The following RBFOX1 variants were observed in gnomAD, a reference collection of about 807,000 sequenced individuals.
RBFOX1 encodes the protein RNA binding protein fox-1 homolog 1.
RBFOX1 carries 8 observed loss-of-function variants against 57.7 expected under a neutral mutation model. The ratio of observed to expected loss-of-function variants is 0.14; its 90% CI spans 0.08 to 0.25. The LOEUF is 0.25. Among genes scored for constraint, RBFOX1 ranks in the 10% least tolerant of loss-of-function variants. The pLI, the probability that RBFOX1 is intolerant of heterozygous loss-of-function variation, is 1.00. For synonymous variants in RBFOX1, 326 were observed against 222.4 expected (o/e 1.47, Z -4.15); for missense variants, 611 against 548.5 (o/e 1.11, Z -1.14).
chr16:5,316,858 C>T (rs796305727), intron 1 of RBFOX1, among the ~76,000 whole-genome samples: 8 of 152,290 alleles, frequency 5.3e-5, no homozygotes, highest in Admixed American at 3.9e-4. Context: ...TGAGCCGGTG[C>T]ACTGAGTGGG....
At chr16:6,008,871 C>G (rs1335545547) in intron 4 of RBFOX1, among the ~76,000 whole-genome samples, 1 of 152,154 alleles carries the variant, frequency 6.6e-6, no homozygotes, top group Non-Finnish European at 1.5e-5. Context: ...TAATGGCAAG[C>G]AAGCTCGTCT....
chr16:5,603,193 C>T (rs1567284948), downstream of RBFOX1, among the ~76,000 whole-genome samples: 2 of 152,186 alleles, frequency 1.3e-5, no homozygotes, highest in Non-Finnish European at 2.9e-5. Flanking sequence ...TATATTTTGC[C>T]AGCATTCAGA....
chr16:6,783,323 T>A (rs977343986), intron 3 of RBFOX1, among the ~76,000 whole-genome samples: 5 of 151,682 alleles, frequency 3.3e-5, no homozygotes, highest in African/African-American at 1.2e-4. Context: ...TTCCTTTTTT[T>A]TTTTCTTCTT....
At chr16:7,068,504 C>G (rs547933016) in intron 4 of RBFOX1, among the ~76,000 whole-genome samples, 11 of 152,164 alleles carry the variant, frequency 7.2e-5, no homozygotes, top group African/African-American at 1.4e-4. Context: ...CATTGCTTCA[C>G]CATTTAAGTC....
intron 3 of RBFOX1, among the ~76,000 whole-genome samples, chr16:6,943,662 T>C (rs781071306): frequency 1.1e-4 from 16 of 151,108 alleles, no homozygotes; most frequent in Non-Finnish European, 2.4e-4. Context: ...GAGCCAAGAT[T>C]GCGTCACTGC....
intron 4 of RBFOX1, among the ~76,000 whole-genome samples, chr16:7,121,870 G>T (rs966261604): frequency 1.1e-4 from 16 of 152,036 alleles, no homozygotes; most frequent in South Asian, 4.1e-4. Flanking sequence ...TCCAGAAATA[G>T]ACCCACAAAA....
intron 4 of RBFOX1, among the ~76,000 whole-genome samples, chr16:6,013,324 A>C (rs912408127): frequency 6.6e-6 from 1 of 152,212 alleles, no homozygotes; most frequent in African/African-American, 2.4e-5. Flanking sequence ...AGAAATTAAG[A>C]ATTTTTACTT....
intron 1 of RBFOX1, among the ~76,000 whole-genome samples, chr16:6,039,347 GAAA>G (rs58081772): frequency 0.12 from 16,031 of 136,288 alleles, 1,035 homozygotes; most frequent in African/African-American, 0.18. Flanking sequence ...CTGCTTTCTG[GAAA>G]AAAAAAAAAA....
At chr16:7,188,658 C>T (rs1328963533) in intron 4 of RBFOX1, among the ~76,000 whole-genome samples, 2 of 152,138 alleles carry the variant, frequency 1.3e-5, no homozygotes, top group East Asian at 1.9e-4. Flanking sequence ...GTATCATTAT[C>T]CTGAGTTGAA....
intron 3 of RBFOX1, among the ~76,000 whole-genome samples, chr16:5,734,369 A>T (rs184892441): frequency 2.8e-4 from 42 of 152,308 alleles, no homozygotes; most frequent in African/African-American, 9.1e-4. Flanking sequence ...TCAAGGCTGC[A>T]GTTAGCTGTA....
At chr16:7,282,012 C>T (rs1014185228) in intron 4 of RBFOX1, among the ~76,000 whole-genome samples, 3 of 151,482 alleles carry the variant, frequency 2.0e-5, no homozygotes, top group Non-Finnish European at 2.9e-5. Flanking sequence ...ACCACAGGCG[C>T]GTGCCATCAC....
chr16:5,620,282 A>G (rs967025939), intron 3 of RBFOX1, among the ~76,000 whole-genome samples: 12 of 152,098 alleles, frequency 7.9e-5, no homozygotes, highest in African/African-American at 2.7e-4. Context: ...TGCCATCTGA[A>G]TTGAGATCTC....
chr16:7,002,875 C>T (rs555221389), intron 3 of RBFOX1, among the ~76,000 whole-genome samples: 148 of 152,126 alleles, frequency 9.7e-4, no homozygotes, highest in Non-Finnish European at 1.7e-3. Context: ...ATACACTCAG[C>T]GTGTTAAGAT....
At chr16:7,361,603 G>A (rs1257653999) in intron 4 of RBFOX1, among the ~76,000 whole-genome samples, 1 of 152,114 alleles carries the variant, frequency 6.6e-6, no homozygotes, top group Non-Finnish European at 1.5e-5. Flanking sequence ...CTACTTATAG[G>A]GATAACTAAA....
At chr16:6,455,634 A>C (rs2429652) in intron 2 of RBFOX1, among the ~76,000 whole-genome samples, 1 of 151,564 alleles carries the variant, frequency 6.6e-6, no homozygotes, top group African/African-American at 2.4e-5. Flanking sequence ...GAGGCTTACC[A>C]TATAGACAGG....
chr16:7,395,163 T>A (rs78160029), intron 4 of RBFOX1, among the ~76,000 whole-genome samples: 1 of 147,584 alleles, frequency 6.8e-6, no homozygotes, highest in African/African-American at 2.5e-5. Flanking sequence ...AAGTGTGGAT[T>A]TTTTTTTTTT....
chr16:5,828,425 C>G (rs990916791), intron 3 of RBFOX1, among the ~76,000 whole-genome samples: 1 of 152,174 alleles, frequency 6.6e-6, no homozygotes, highest in Non-Finnish European at 1.5e-5. Context: ...AAAAATGCAA[C>G]CACCGGGCTC....
intron 1 of RBFOX1, among the ~76,000 whole-genome samples, chr16:5,455,511 C>A (rs79251092): frequency 0.026 from 3,963 of 152,108 alleles, 145 homozygotes; most frequent in East Asian, 0.087. Context: ...CCCAAGGAGG[C>A]CTTGGAGAAT....
Position 7,605,815 on chromosome 16 carries a change from C to T in RBFOX1, c.623-1470C>T, listed in dbSNP as rs868021566. On this transcript the variant is annotated intron_variant, in intron 9 of 15. Transcript: ENST00000550418. ...CAAGGACTCAGAGCAAAGGACTACA[C>T]ACCTTACCCTCCTCTGTCTTTCAAG... Among the ~76,000 whole-genome samples, 118 of 152,300 alleles carry T rather than the reference C, an allele frequency of 7.7e-4. No individual in the cohort carries two copies. The Middle Eastern group carries it at 0.01, about 13-fold the overall frequency.
Sources: gnomAD v4.1 joint callset for allele counts (sites outside exome capture counted in the v4.1 genomes callset) on GRCh38, gnomAD v4.1.1 for gene constraint, MANE v1.5 for transcripts, NCBI Gene and HGNC (gene_info 2026-07-23, HGNC 2026-07-21) for gene names.